Variants in TTLL11 observed in about 807,000 individuals in gnomAD.
The protein encoded by TTLL11 is tubulin tyrosine ligase like 11, also known as tubulin polyglutamylase TTLL11.
In TTLL11, 42 loss-of-function variants were observed where a neutral mutation model predicts 51.7. The ratio of observed to expected loss-of-function variants is 0.81; its 90% CI spans 0.64 to 1.05. The LOEUF is 1.05. TTLL11 is among the 50% of genes least tolerant of loss of function. The probability of loss-of-function intolerance (pLI) is 0.00; values close to 1 mark genes in which losing one functional copy is unlikely to be tolerated. For synonymous variants in TTLL11, 381 were observed against 383.5 expected (o/e 0.99, Z 0.08); for missense variants, 799 against 940.4 (o/e 0.85, Z 1.97).
intron 6 of TTLL11, among the ~76,000 whole-genome samples, chr9:121,894,649 C>G (rs749887387): frequency 6.6e-6 from 1 of 152,060 alleles, no homozygotes; most frequent in Admixed American, 6.6e-5. Flanking sequence ...AACACAGGAA[C>G]AGAAAATCAA....
intron 8 of TTLL11, among the ~76,000 whole-genome samples, chr9:121,830,673 T>C (rs2119122187): frequency 6.6e-6 from 1 of 152,310 alleles, no homozygotes; most frequent in South Asian, 2.1e-4. Context: ...CAGCCCCAGA[T>C]TCTTCCAGCA....
intron 6 of TTLL11, among the ~76,000 whole-genome samples, chr9:121,896,615 G>A (rs536139012): frequency 7.2e-5 from 11 of 152,326 alleles, no homozygotes; most frequent in East Asian, 3.9e-4. Flanking sequence ...TGGGTCCGAG[G>A]TTGCATAGAT....
intron 2 of TTLL11, among the ~76,000 whole-genome samples, chr9:122,038,931 G>A (rs566617303): frequency 1.3e-5 from 2 of 152,164 alleles, no homozygotes; most frequent in South Asian, 2.1e-4. Context: ...TATGACATAT[G>A]CCTAGAATTT....
intron 1 of TTLL11, among the ~76,000 whole-genome samples, chr9:122,049,300 A>G (rs1159761464): frequency 6.6e-6 from 1 of 152,240 alleles, no homozygotes; most frequent in Non-Finnish European, 1.5e-5. Flanking sequence ...ACCCGATGAT[A>G]AAGATTATGA....
At chr9:122,057,322 C>CTTTT (rs58226814) in intron 1 of TTLL11, among the ~76,000 whole-genome samples, 4 of 128,158 alleles carry the variant, frequency 3.1e-5, no homozygotes, top group South Asian at 5.0e-4. Context: ...AGCTCAAATC[C>CTTTT]TTTTTTTTTT....
chr9:122,031,124 G>GAAACTGTT (rs1428518826), intron 3 of TTLL11, among the ~76,000 whole-genome samples: 13 of 152,258 alleles, frequency 8.5e-5, no homozygotes, highest in Admixed American at 2.6e-4. Flanking sequence ...GGTCCTAAAT[G>GAAACTGTT]AAACTGTTAA....
chr9:121,920,444 T>A (rs1252459764), intron 6 of TTLL11, among the ~76,000 whole-genome samples: 2 of 152,228 alleles, frequency 1.3e-5, no homozygotes, highest in Non-Finnish European at 2.9e-5. Context: ...TCCAATGATC[T>A]AAACCAGATG....
intron 1 of TTLL11, among the ~76,000 whole-genome samples, chr9:122,069,658 G>A (rs562985983): frequency 1.6e-4 from 24 of 152,176 alleles, no homozygotes; most frequent in African/African-American, 5.8e-4. Context: ...TCCAGCCTGG[G>A]CGACAGAGTG....
chr9:121,895,684 T>G (rs1249482296), intron 6 of TTLL11, among the ~76,000 whole-genome samples: 1 of 150,626 alleles, frequency 6.6e-6, no homozygotes, highest in Non-Finnish European at 1.5e-5. Flanking sequence ...TGTGTGTCTG[T>G]GTGAATGTGT....
chr9:121,979,328 A>T (rs1406589959), intron 4 of TTLL11, among the ~76,000 whole-genome samples: 2 of 152,174 alleles, frequency 1.3e-5, no homozygotes, highest in African/African-American at 4.8e-5. Flanking sequence ...CAGCCTTGAG[A>T]GAGACTTTGA....
At chr9:122,054,876 C>A (rs971527929) in intron 1 of TTLL11, among the ~76,000 whole-genome samples, 3 of 152,104 alleles carry the variant, frequency 2.0e-5, no homozygotes, top group Non-Finnish European at 2.9e-5. Context: ...GCAACACTTA[C>A]CTCCCACCCA....
At chr9:122,061,936 G>T (rs544536127) in intron 1 of TTLL11, among the ~76,000 whole-genome samples, 1 of 152,042 alleles carries the variant, frequency 6.6e-6, no homozygotes, top group African/African-American at 2.4e-5. Flanking sequence ...GCACCCAGCC[G>T]AATTATCTTT....
At position 121,820,582 on chromosome 9, in the gene TTLL11, C is replaced by T. The variant is rs959129093; in HGVS notation, c.*2005G>A. On this transcript the variant is annotated 3_prime_UTR_variant, in exon 9 of 9. Coordinates refer to ENST00000321582, the MANE Select transcript of TTLL11 (RefSeq NM_001139442.2). The stretch of plus-strand genomic sequence containing the variant: ...TTACTTGGAGCTGAATTCATTCTCA[C>T]CCAGGGACAAGGAGCCAAAGACAGA... Among the ~76,000 whole-genome samples the T allele has an allele frequency of 3.3e-5, 5 of 152,226 alleles. No homozygotes were observed. The South Asian group carries it at 8.3e-4, about 25-fold the overall frequency.
intron 6 of TTLL11, among the ~76,000 whole-genome samples, chr9:121,938,046 T>A (rs1375745462): frequency 3.3e-5 from 5 of 152,070 alleles, no homozygotes; most frequent in African/African-American, 1.2e-4. Context: ...TCCCAGCACT[T>A]TGGGAGACCA....
chr9:121,841,212 C>T (rs1837335035), intron 8 of TTLL11, among the ~76,000 whole-genome samples: 1 of 152,218 alleles, frequency 6.6e-6, no homozygotes, highest in African/African-American at 2.4e-5. Context: ...CAGCACAGGA[C>T]GTGTGGGCGA....
intron 8 of TTLL11, among the ~76,000 whole-genome samples, chr9:121,859,667 G>A (rs1588075703): frequency 6.6e-6 from 1 of 152,190 alleles, no homozygotes; most frequent in South Asian, 2.1e-4. Context: ...GGCTTTGACA[G>A]CTCCCATAAC....
chr9:121,913,484 G>A (rs1220597616), intron 6 of TTLL11, among the ~76,000 whole-genome samples: 1 of 152,164 alleles, frequency 6.6e-6, no homozygotes, highest in African/African-American at 2.4e-5. Flanking sequence ...GAAAATACAA[G>A]CAAATTTTAA....
intron 1 of TTLL11, among the ~76,000 whole-genome samples, chr9:122,083,797 A>T (rs1015414206): frequency 6.6e-6 from 1 of 152,154 alleles, no homozygotes; most frequent in African/African-American, 2.4e-5. Context: ...CTGACAGAGC[A>T]AGACTCTATC....
intron 6 of TTLL11, among the ~76,000 whole-genome samples, chr9:121,918,548 G>A (rs1840419488): frequency 6.6e-6 from 1 of 152,186 alleles, no homozygotes; most frequent in African/African-American, 2.4e-5. Context: ...TCAGATTGGG[G>A]AGGGATCTGG....
Sources: allele counts gnomAD v4.1 joint callset (sites outside exome capture counted in the v4.1 genomes callset), GRCh38; gene constraint gnomAD v4.1.1; transcripts MANE v1.5; gene names NCBI Gene and HGNC (gene_info 2026-07-23, HGNC 2026-07-21).